The following MIS18BP1 variants were observed in gnomAD, a reference collection of about 807,000 sequenced individuals.
MIS18BP1 encodes mis18-binding protein 1.
MIS18BP1 carries 72 observed loss-of-function variants against 116.1 expected under a neutral mutation model. The ratio of observed to expected loss-of-function variants is 0.62; its 90% confidence interval spans 0.51 to 0.75. The LOEUF is 0.75. Ranked by LOEUF, MIS18BP1 falls within the 30% of genes least tolerant of loss-of-function variation. MIS18BP1 has a pLI of 0.00. For missense variants in MIS18BP1, 1,363 were observed against 1,303.2 expected, an observed-to-expected ratio of 1.05 and a Z score of -0.71; for synonymous variants, 386 against 427.0, an observed-to-expected ratio of 0.90 and a Z score of 1.18.
intron 9 of MIS18BP1, 60 bp from the exon 10 acceptor site, chr14:45,226,896 A>G (rs1891137904): frequency 1.6e-6 from 2 of 1,232,194 alleles, no homozygotes; most frequent in African/African-American, 1.6e-5. Flanking sequence ...CATGATCTGA[A>G]GCATTTTCAT....
At chr14:45,233,553 T>C (rs117354784) in intron 6 of MIS18BP1, among the ~76,000 whole-genome samples, 1 of 152,064 alleles carries the variant, frequency 6.6e-6, no homozygotes, top group Non-Finnish European at 1.5e-5. Context: ...TGAGACCAGT[T>C]AGGAGGCCAC....
At chr14:45,232,416 CAAAAA>C (rs532665472) in intron 7 of MIS18BP1, 38 of 96,008 alleles carry the variant, frequency 4.0e-4, no homozygotes, top group Admixed American at 5.1e-4. Flanking sequence ...GATTCCATCT[CAAAAA>C]AAAAAAAAAA....
intron 14 of MIS18BP1, among the ~76,000 whole-genome samples, chr14:45,207,980 C>G (rs1890566072): frequency 1.3e-5 from 2 of 152,090 alleles, no homozygotes; most frequent in Admixed American, 1.3e-4. Context: ...AACCCACAAC[C>G]CACACTGGTG....
chr14:45,242,111 T>C lies in MIS18BP1; in HGVS notation c.1066A>G (p.Arg356Gly). Residue 356 changes from arginine to glycine, a missense_variant, in exon 4 of 17, where the codon AGG (arginine) becomes GGG (glycine). Transcript: ENST00000310806. ...TPRLHITIPR[R>G]SKRNISKLSP... ...AGCTTTGAAATATTTCTTTTTGACC[T>C]CCGAGGTATTGTTATATGAAGTCTT... is the stretch of plus-strand genomic sequence containing the variant. 1 of 1,614,042 alleles carries C rather than the reference T, an allele frequency of 6.2e-7. No homozygotes were observed. Among genetic ancestry groups the C allele is most frequent in the South Asian group, 1.1e-5 (1 of 91,066 alleles).
intron 13 of MIS18BP1, among the ~76,000 whole-genome samples, chr14:45,213,418 A>G (rs193032834): frequency 3.7e-4 from 57 of 152,362 alleles, no homozygotes; most frequent in South Asian, 2.1e-3. Context: ...AAGGACAAGG[A>G]CAGAGCCTTA....
chr14:45,219,496 A>ATATG (rs1278932761), intron 11 of MIS18BP1, among the ~76,000 whole-genome samples: 1 of 152,098 alleles, frequency 6.6e-6, no homozygotes, highest in African/African-American at 2.4e-5. Context: ...TCAAGAGCAT[A>ATATG]TATATATAAT....
In MIS18BP1 at chr14:45,247,147, T is replaced by A; in HGVS notation, c.140A>T (p.Lys47Ile). Residue 47 changes from lysine (K) to isoleucine (I), a missense_variant, in exon 2 of 17, where the codon AAA becomes ATA. Transcript: ENST00000310806. ...GTLTPVKDLV[K>I]YQNSSLKLND... ...CAATTTTAAGGAGGAGTTCTGATAT[T>A]TCACCAAATCTTTTACAGGAGTAAG... The A allele has an allele frequency of 6.2e-7, 1 of 1,613,042 alleles. No individual in the cohort carries two copies. Among genetic ancestry groups the A allele is most frequent in the East Asian group, 2.2e-5 (1 of 44,836 alleles).
intron 12 of MIS18BP1, 89 bp from the exon 13 acceptor site, chr14:45,217,268 G>C: frequency 3.5e-6 from 5 of 1,416,952 alleles, no homozygotes; most frequent in Non-Finnish European, 4.8e-6. Flanking sequence ...AGTCTAAATT[G>C]TGCATTCATG....
intron 14 of MIS18BP1, among the ~76,000 whole-genome samples, chr14:45,209,208 GCATA>G (rs1254706999): frequency 6.6e-6 from 1 of 151,764 alleles, no homozygotes; most frequent in Non-Finnish European, 1.5e-5. Context: ...ATACATATAT[GCATA>G]CATACATATA....
At chr14:45,208,577 C>T (rs576203508) in intron 14 of MIS18BP1, among the ~76,000 whole-genome samples, 6 of 152,166 alleles carry the variant, frequency 3.9e-5, no homozygotes, top group South Asian at 2.1e-4. Flanking sequence ...TGTGATCCGT[C>T]GGCCTCAGCC....
At chr14:45,217,611 T>G (rs1197840880) in intron 12 of MIS18BP1, among the ~76,000 whole-genome samples, 3 of 152,028 alleles carry the variant, frequency 2.0e-5, no homozygotes, top group Non-Finnish European at 4.4e-5. Flanking sequence ...TTCTCTTTTT[T>G]TTTTTGTAGA....
At chr14:45,219,503 T>A (rs1020716749) in intron 11 of MIS18BP1, among the ~76,000 whole-genome samples, 2 of 152,170 alleles carry the variant, frequency 1.3e-5, no homozygotes, top group Admixed American at 6.5e-5. Context: ...CATATATATA[T>A]AATAAAATGG....
chr14:45,242,805 T>G lies in MIS18BP1; in HGVS notation c.614A>C (p.Gln205Pro). ...DIFLPVKQKIQCQQEKKAPLH... is the reference protein window; with the variant it reads ...DIFLPVKQKIPCQQEKKAPLH... ...TGGTGCTTTCTTTTCCTGCTGGCACTGAATCTTTTGTTTGACCGGGAGGAA... is the reference window on the plus strand; with the variant it reads ...TGGTGCTTTCTTTTCCTGCTGGCACGGAATCTTTTGTTTGACCGGGAGGAA... Residue 205 changes from glutamine to proline, a missense_variant, in exon 3 of 17, where the codon CAG becomes CCG. Gln to Pro is a moderately conservative substitution (Grantham distance 76). Coordinates refer to ENST00000310806, the MANE Select transcript of MIS18BP1 (RefSeq NM_018353.5). 6.2e-7 allele frequency: 1 copy of G among 1,613,682 alleles called. No individual in the cohort carries two copies. Among genetic ancestry groups the G allele is most frequent in the Non-Finnish European group, 8.5e-7 (1 of 1,179,760 alleles).
intron 7 of MIS18BP1, 61 bp downstream of exon 7, chr14:45,232,672 A>C (rs1043460448): frequency 1.1e-6 from 1 of 937,936 alleles, no homozygotes; most frequent in African/African-American, 1.7e-5. Flanking sequence ...GCACACACAT[A>C]ATTAAATGTA....
At position 45,235,601 on chromosome 14, in the gene MIS18BP1, A is replaced by C. The variant is rs192880279; in HGVS notation, c.1348+213T>G. 4.2e-3 allele frequency among the ~76,000 whole-genome samples: 635 copies of C among 151,988 alleles called. 10 individuals carry two copies. In the East Asian group the frequency reaches 0.051, roughly 12 times the overall value. On this transcript the variant is annotated intron_variant, in intron 6 of 16. Coordinates refer to ENST00000310806, the MANE Select transcript of MIS18BP1 (RefSeq NM_018353.5). ...CAAGACTCCATTTCCAAAAAAAAAA[A>C]AAAAAACAAAAACACATAACTTATT...
At chr14:45,236,466 A>T (rs1418104107) in intron 5 of MIS18BP1, among the ~76,000 whole-genome samples, 1 of 152,230 alleles carries the variant, frequency 6.6e-6, no homozygotes, top group African/African-American at 2.4e-5. Flanking sequence ...CCATAAATCT[A>T]TTCTTTATAT....
intron 1 of MIS18BP1, among the ~76,000 whole-genome samples, chr14:45,251,931 A>G (rs1360314456): frequency 6.6e-6 from 1 of 152,214 alleles, no homozygotes. Context: ...TCCTATAGAA[A>G]CATCTGCGTA....
intron 9 of MIS18BP1, among the ~76,000 whole-genome samples, chr14:45,227,193 A>T (rs1891144853): frequency 6.6e-6 from 1 of 152,146 alleles, no homozygotes; most frequent in Non-Finnish European, 1.5e-5. Flanking sequence ...TCCCCAAGTA[A>T]ATGAAAAGCT....
chr14:45,226,352 C>T (rs555306136), intron 10 of MIS18BP1, among the ~76,000 whole-genome samples: 11 of 152,182 alleles, frequency 7.2e-5, no homozygotes, highest in Admixed American at 2.6e-4. Context: ...AACATTTAGA[C>T]GAAAGCCTCT....
Sources: allele counts gnomAD v4.1 joint callset (sites outside exome capture counted in the v4.1 genomes callset), GRCh38; gene constraint gnomAD v4.1.1; transcripts MANE v1.5; gene names NCBI Gene and HGNC (gene_info 2026-07-23, HGNC 2026-07-21).